RALGAPA1: variants seen among roughly 807,000 people sequenced by gnomAD.
RALGAPA1 encodes the protein Ral GTPase activating protein catalytic subunit alpha 1, also known as ral GTPase-activating protein subunit alpha-1.
A neutral mutation model predicts 269.6 loss-of-function variants in RALGAPA1; 52 were observed. That is an observed-to-expected ratio of 0.19 (90% CI 0.15 to 0.24). RALGAPA1 has a LOEUF of 0.24. RALGAPA1 is among the 10% of genes least tolerant of loss of function. The probability of loss-of-function intolerance (pLI) is 1.00; values close to 1 mark genes in which losing one functional copy is unlikely to be tolerated. For missense variants in RALGAPA1, 1,917 were observed against 3,013.9 expected, an observed-to-expected ratio of 0.64 and a Z score of 8.52; for synonymous variants, 817 against 1,008.3, an observed-to-expected ratio of 0.81 and a Z score of 3.60.
At chr14:35,681,853 A>G (rs2065475002) in intron 21 of RALGAPA1, among the ~76,000 whole-genome samples, 1 of 152,202 alleles carries the variant, frequency 6.6e-6, no homozygotes, top group Admixed American at 6.5e-5. Flanking sequence ...TTGTCACTAC[A>G]GTTTTTTCTT....
At chr14:35,676,421 A>C (rs2064954583) in intron 22 of RALGAPA1, 1 of 152,258 alleles carries the variant, frequency 6.6e-6, no homozygotes, top group African/African-American at 2.4e-5. Flanking sequence ...CATGTTGACC[A>C]GACTGGTCTC....
At chr14:35,663,288 A>G (rs1419391253) in intron 27 of RALGAPA1, among the ~76,000 whole-genome samples, 2 of 152,180 alleles carry the variant, frequency 1.3e-5, no homozygotes, top group Non-Finnish European at 1.5e-5. Context: ...TATCTAAAGT[A>G]GAAGTCAGAC....
intron 41 of RALGAPA1, among the ~76,000 whole-genome samples, chr14:35,545,881 A>G (rs2054412955): frequency 6.6e-6 from 1 of 152,156 alleles, no homozygotes. Flanking sequence ...ATTTCATTTT[A>G]AAGTTTATAA....
At chr14:35,575,130 A>AG (rs2057464723) in intron 37 of RALGAPA1, among the ~76,000 whole-genome samples, 1 of 18,448 alleles carries the variant, frequency 5.4e-5, no homozygotes, top group Non-Finnish European at 1.3e-4. Flanking sequence ...TCCATCTCAA[A>AG]GAAAAAAAAA....
At chr14:35,718,613 C>T (rs941774018) in intron 16 of RALGAPA1, among the ~76,000 whole-genome samples, 8 of 151,940 alleles carry the variant, frequency 5.3e-5, no homozygotes, top group South Asian at 2.1e-4. Context: ...GTCAGGAGTT[C>T]GACACCAGCC....
chr14:35,604,771 A>G (rs1230493705), intron 36 of RALGAPA1, among the ~76,000 whole-genome samples: 1 of 152,132 alleles, frequency 6.6e-6, no homozygotes, highest in African/African-American at 2.4e-5. Flanking sequence ...TCTTGGAGCT[A>G]CAGATTTGGC....
chr14:35,729,214 T>C (rs2070244758), intron 12 of RALGAPA1, among the ~76,000 whole-genome samples: 1 of 152,212 alleles, frequency 6.6e-6, no homozygotes, highest in Admixed American at 6.5e-5. Flanking sequence ...TGTTTGTATA[T>C]CTGTTTTGGT....
At chr14:35,682,921 G>T (rs1404253567) in intron 21 of RALGAPA1, among the ~76,000 whole-genome samples, 1 of 152,120 alleles carries the variant, frequency 6.6e-6, no homozygotes, top group East Asian at 1.9e-4. Flanking sequence ...ACAGAGAATG[G>T]ATTTCTAACT....
At chr14:35,636,173 A>C (rs1157564007) in intron 31 of RALGAPA1, among the ~76,000 whole-genome samples, 1 of 152,118 alleles carries the variant, frequency 6.6e-6, no homozygotes, top group Non-Finnish European at 1.5e-5. Context: ...AGACTTCCAA[A>C]TAGCTGGGAC....
intron 1 of RALGAPA1, among the ~76,000 whole-genome samples, chr14:35,789,428 T>C (rs116106512): frequency 0.021 from 3,221 of 152,088 alleles, 120 homozygotes; most frequent in African/African-American, 0.074. Flanking sequence ...ATCCCATTTC[T>C]ACTAAAAATA....
intron 31 of RALGAPA1, among the ~76,000 whole-genome samples, chr14:35,650,764 A>G (rs894031144): frequency 7.9e-5 from 12 of 152,172 alleles, no homozygotes; most frequent in Non-Finnish European, 1.8e-4. Context: ...GGAGAATAGA[A>G]CTCAAGATTG....
chr14:35,766,851 G>C (rs533146017), intron 4 of RALGAPA1: 1 of 462,442 alleles, frequency 2.2e-6, no homozygotes, highest in Admixed American at 2.6e-5. Flanking sequence ...AGAACAGGAA[G>C]TGCCCAGGAT....
At chr14:35,635,434 C>A in intron 32 of RALGAPA1, 30 bp downstream of exon 32, 2 of 1,548,880 alleles carry the variant, frequency 1.3e-6, no homozygotes, top group South Asian at 1.2e-5. Context: ...CTCTTGGTTA[C>A]CAAATAAATA....
chr14:35,724,188 T>G (rs1418076455), intron 14 of RALGAPA1, among the ~76,000 whole-genome samples: 1 of 152,076 alleles, frequency 6.6e-6, no homozygotes. Flanking sequence ...TGGAGAAACC[T>G]GAATGAAAAA....
intron 33 of RALGAPA1, among the ~76,000 whole-genome samples, chr14:35,630,979 A>T (rs2061325832): frequency 6.6e-6 from 1 of 152,206 alleles, no homozygotes; most frequent in African/African-American, 2.4e-5. Context: ...TACTAGATTA[A>T]TAACACTAAA....
intron 31 of RALGAPA1, among the ~76,000 whole-genome samples, chr14:35,650,668 C>G (rs2062768403): frequency 6.6e-6 from 1 of 152,100 alleles, no homozygotes; most frequent in Non-Finnish European, 1.5e-5. Context: ...ATAACTATAG[C>G]TTCAGATTTC....
intron 37 of RALGAPA1, among the ~76,000 whole-genome samples, chr14:35,582,180 T>C (rs1017817148): frequency 1.3e-4 from 20 of 152,128 alleles, no homozygotes; most frequent in African/African-American, 4.6e-4. Flanking sequence ...GGCAAATTCA[T>C]AGAGGAAGTG....
At chr14:35,739,973 T>C (rs566914311) in intron 11 of RALGAPA1, among the ~76,000 whole-genome samples, 1 of 152,188 alleles carries the variant, frequency 6.6e-6, no homozygotes, top group Non-Finnish European at 1.5e-5. Flanking sequence ...CTATCTCATA[T>C]TTCCTGCTGT....
intron 12 of RALGAPA1, among the ~76,000 whole-genome samples, chr14:35,733,514 T>C (rs1257566374): frequency 6.6e-6 from 1 of 151,786 alleles, no homozygotes; most frequent in African/African-American, 2.4e-5. Context: ...CAAAAAATTC[T>C]CCAAACTGAA....
Sources: allele counts gnomAD v4.1 joint callset (sites outside exome capture counted in the v4.1 genomes callset), GRCh38; gene constraint gnomAD v4.1.1; transcripts MANE v1.5; gene names NCBI Gene and HGNC (gene_info 2026-07-23, HGNC 2026-07-21).